The following LRMDA variants were observed in gnomAD, a reference collection of about 807,000 sequenced individuals.
LRMDA encodes the protein leucine-rich melanocyte differentiation-associated protein.
A neutral mutation model predicts 29.8 loss-of-function variants in LRMDA; 18 were observed. The ratio of observed to expected loss-of-function variants is 0.60; its 90% CI spans 0.42 to 0.90. LRMDA has a LOEUF of 0.90. LRMDA is among the 40% of genes least tolerant of loss of function. LRMDA has a pLI of 0.00. For missense variants in LRMDA, 273 were observed against 273.9 expected, an observed-to-expected ratio of 1.00 and a Z score of 0.02; for synonymous variants, 125 against 109.4, an observed-to-expected ratio of 1.14 and a Z score of -0.89.
At chr10:76,121,923 T>C (rs1383574894) in intron 5 of LRMDA, among the ~76,000 whole-genome samples, 1 of 152,222 alleles carries the variant, frequency 6.6e-6, no homozygotes, top group East Asian at 1.9e-4. Flanking sequence ...TGCCAGGTAC[T>C]GTTCTAGGCA....
chr10:75,505,693 C>T (rs966486001), intron 2 of LRMDA, among the ~76,000 whole-genome samples: 2 of 152,138 alleles, frequency 1.3e-5, no homozygotes, highest in African/African-American at 4.8e-5. Context: ...TTTCATGTTT[C>T]CCTGACCAGC....
rs1441448545 is a variant in LRMDA, at chr10:76,498,879, G to A, written c.602-58330G>A. Among the ~76,000 whole-genome samples the A allele has an allele frequency of 2.7e-5, 2 of 74,080 alleles. 1 individual carries two copies. Among genetic ancestry groups the A allele is most frequent in the African/African-American group, 6.6e-5 (2 of 30,396 alleles). 48.6% of individuals were successfully genotyped at this position (74,080 alleles called of 152,430 possible). Reference sequence around the variant, plus strand: ...GAGGGAGACTCTTTGGTTCTCCAGCGGACAAAAGAAGACAGCTAACAAATA... The same window carrying A: ...GAGGGAGACTCTTTGGTTCTCCAGCAGACAAAAGAAGACAGCTAACAAATA... On this transcript the variant is annotated intron_variant, in intron 6 of 6. Coordinates refer to ENST00000611255, the MANE Select transcript of LRMDA (RefSeq NM_001305581.2).
At chr10:76,219,887 T>A (rs1851798254) in intron 5 of LRMDA, among the ~76,000 whole-genome samples, 1 of 152,084 alleles carries the variant, frequency 6.6e-6, no homozygotes, top group Non-Finnish European at 1.5e-5. Context: ...CCTCAGCAAA[T>A]GTAAAAGATC....
At chr10:75,763,147 T>A (rs1354703668) in intron 2 of LRMDA, among the ~76,000 whole-genome samples, 1 of 152,230 alleles carries the variant, frequency 6.6e-6, no homozygotes, top group African/African-American at 2.4e-5. Flanking sequence ...AACACCACTT[T>A]CAGTTCAAGT....
chr10:75,749,308 T>TA (rs1213029100), intron 2 of LRMDA, among the ~76,000 whole-genome samples: 1 of 152,190 alleles, frequency 6.6e-6, no homozygotes, highest in Non-Finnish European at 1.5e-5. Context: ...TGGTCAATAA[T>TA]AGACTATTAG....
chr10:75,910,316 A>G (rs959927935), intron 2 of LRMDA, among the ~76,000 whole-genome samples: 1 of 152,050 alleles, frequency 6.6e-6, no homozygotes, highest in Non-Finnish European at 1.5e-5. Flanking sequence ...TTCAAATTCT[A>G]TTTTTCTCCT....
chr10:75,995,791 TG>T (rs1363382018), intron 2 of LRMDA, among the ~76,000 whole-genome samples: 7 of 152,200 alleles, frequency 4.6e-5, no homozygotes, highest in Admixed American at 4.6e-4. Flanking sequence ...TTGTGATGTG[TG>T]GGTCACTTTC....
At chr10:76,529,066 A>G (rs146722989) in intron 6 of LRMDA, among the ~76,000 whole-genome samples, 78 of 152,262 alleles carry the variant, frequency 5.1e-4, no homozygotes, top group African/African-American at 1.7e-3. Flanking sequence ...TCGCATGTCA[A>G]TGACACCAAG....
intron 2 of LRMDA, among the ~76,000 whole-genome samples, chr10:76,003,915 T>C (rs1432258042): frequency 6.6e-6 from 1 of 152,138 alleles, no homozygotes; most frequent in Non-Finnish European, 1.5e-5. Flanking sequence ...CAGATGGAGA[T>C]TGGGACCTGG....
chr10:76,156,896 C>T (rs1850547702), intron 5 of LRMDA, among the ~76,000 whole-genome samples: 1 of 152,180 alleles, frequency 6.6e-6, no homozygotes, highest in African/African-American at 2.4e-5. Context: ...GAATTACTTT[C>T]CCTGTTGTGT....
At chr10:75,579,478 A>G (rs2132075815) in intron 2 of LRMDA, among the ~76,000 whole-genome samples, 1 of 152,360 alleles carries the variant, frequency 6.6e-6, no homozygotes, top group South Asian at 2.1e-4. Flanking sequence ...TCACAGCTGA[A>G]TCCTACCAGA....
intron 5 of LRMDA, among the ~76,000 whole-genome samples, chr10:76,226,863 A>G (rs978571881): frequency 6.6e-6 from 1 of 152,178 alleles, no homozygotes; most frequent in Non-Finnish European, 1.5e-5. Context: ...AGACAAATAA[A>G]TCTCTTTTCT....
chr10:76,118,924 C>A (rs1412868586), intron 5 of LRMDA, among the ~76,000 whole-genome samples: 1 of 143,626 alleles, frequency 7.0e-6, no homozygotes, highest in African/African-American at 2.6e-5. Flanking sequence ...CTCCCTGGTG[C>A]CCTGGTAGCT....
chr10:75,487,661 A>C lies in LRMDA; in HGVS notation c.131+49167A>C, dbSNP rs189170724. Among the ~76,000 whole-genome samples the C allele has an allele frequency of 1.2e-4, 19 of 152,206 alleles. No individual in the cohort carries two copies. The East Asian group carries it at 2.9e-3, about 23-fold the overall frequency. On this transcript the variant is annotated intron_variant, in intron 2 of 6. Coordinates refer to ENST00000611255, the MANE Select transcript of LRMDA (RefSeq NM_001305581.2). Reference sequence around the variant, plus strand: ...CAGAATAGCAGGCAGCGCAGTAGCTACTGAGATTATAAGTGGTAGGTTTAT... The same window carrying C: ...CAGAATAGCAGGCAGCGCAGTAGCTCCTGAGATTATAAGTGGTAGGTTTAT...
At chr10:75,450,828 C>T (rs1379924055) in intron 2 of LRMDA, 2 of 152,236 alleles carry the variant, frequency 1.3e-5, no homozygotes, top group Non-Finnish European at 2.9e-5. Context: ...GCCCCGTAGG[C>T]ATGGAGAGCT....
intron 5 of LRMDA, among the ~76,000 whole-genome samples, chr10:76,310,365 A>G (rs1177408859): frequency 6.6e-6 from 1 of 152,204 alleles, no homozygotes; most frequent in African/African-American, 2.4e-5. Flanking sequence ...AGTAATGCTC[A>G]GCCTTTACCT....
chr10:75,530,040 A>G (rs1845459065), intron 2 of LRMDA, among the ~76,000 whole-genome samples: 1 of 152,142 alleles, frequency 6.6e-6, no homozygotes, highest in South Asian at 2.1e-4. Flanking sequence ...TTTTGTAACC[A>G]TAGAATTTCT....
intron 2 of LRMDA, among the ~76,000 whole-genome samples, chr10:76,033,258 G>A (rs1848181778): frequency 6.6e-6 from 1 of 152,078 alleles, no homozygotes; most frequent in African/African-American, 2.4e-5. Flanking sequence ...ACACCACACT[G>A]ATAACATGAA....
In LRMDA at chr10:76,149,646, TG is replaced by T. The variant is rs374189931; in HGVS notation, c.516+90867del. On this transcript the variant is annotated intron_variant, in intron 5 of 6. Coordinates refer to ENST00000611255, the MANE Select transcript of LRMDA (RefSeq NM_001305581.2). ...GGCAGGGGTCTCCGTAGTGTGACTG[TG>T]GGGAGACCAGGAAGCTCCTCAAGCC... is the stretch of plus-strand genomic sequence containing the variant. 1.3e-3 allele frequency among the ~76,000 whole-genome samples: 205 copies of T among 152,302 alleles called. 2 individuals carry two copies. Among genetic ancestry groups the T allele is most frequent in the African/African-American group, 4.7e-3 (196 of 41,558 alleles).
Sources: allele counts gnomAD v4.1 joint callset (sites outside exome capture counted in the v4.1 genomes callset), GRCh38; gene constraint gnomAD v4.1.1; transcripts MANE v1.5; gene names NCBI Gene and HGNC (gene_info 2026-07-23, HGNC 2026-07-21).